PATJ: variants seen among roughly 807,000 people sequenced by gnomAD.
PATJ encodes the protein inaD-like protein.
Under a neutral mutation model 224.9 loss-of-function variants are expected in PATJ, and 190 were observed. The observed-to-expected ratio is 0.84, with a 90% CI of 0.75 to 0.95. PATJ has a LOEUF of 0.95. Ranked by LOEUF, PATJ falls within the 40% of genes least tolerant of loss-of-function variation. PATJ has a pLI of 0.00. For missense variants in PATJ, 2,121 were observed against 2,270.3 expected, an observed-to-expected ratio of 0.93 and a Z score of 1.34; for synonymous variants, 769 against 820.3, an observed-to-expected ratio of 0.94 and a Z score of 1.07.
intron 8 of PATJ, among the ~76,000 whole-genome samples, chr1:61,790,517 T>G (rs1015875060): frequency 2.1e-5 from 3 of 144,406 alleles, no homozygotes; most frequent in African/African-American, 7.6e-5. Flanking sequence ...TTTTTTTTGT[T>G]TTTTTTTTTT....
intron 28 of PATJ, among the ~76,000 whole-genome samples, chr1:62,005,618 C>T (rs778370865): frequency 3.3e-5 from 5 of 151,980 alleles, no homozygotes; most frequent in Admixed American, 6.6e-5. Context: ...ATTAGCCAGG[C>T]GTGGTGGCAC....
chr1:61,812,847 T>TA (rs923162238), intron 14 of PATJ, among the ~76,000 whole-genome samples: 36 of 151,498 alleles, frequency 2.4e-4, no homozygotes, highest in Non-Finnish European at 4.7e-4. Flanking sequence ...AGATTCTGTC[T>TA]AAAAAAAATA....
At chr1:61,897,132 A>C (rs1287701126) in intron 22 of PATJ, among the ~76,000 whole-genome samples, 1 of 152,202 alleles carries the variant, frequency 6.6e-6, no homozygotes, top group African/African-American at 2.4e-5. Context: ...AAAATTATAG[A>C]GGAAATGAAT....
intron 38 of PATJ, among the ~76,000 whole-genome samples, chr1:62,121,838 A>G (rs1338050364): frequency 6.6e-6 from 1 of 152,114 alleles, no homozygotes; most frequent in Non-Finnish European, 1.5e-5. Context: ...AGAAAAGCAG[A>G]AAGCTGGAGT....
intron 33 of PATJ, among the ~76,000 whole-genome samples, chr1:62,106,470 C>A (rs897675371): frequency 5.3e-5 from 8 of 150,508 alleles, no homozygotes; most frequent in Non-Finnish European, 1.0e-4. Context: ...GATGCAATCT[C>A]AAAAAAAATT....
At chr1:61,994,522 A>G (rs572261241) in intron 28 of PATJ, among the ~76,000 whole-genome samples, 11 of 151,698 alleles carry the variant, frequency 7.3e-5, no homozygotes, top group Non-Finnish European at 1.3e-4. Context: ...CATCCTGAAG[A>G]GCTGGGAGAA....
intron 37 of PATJ, among the ~76,000 whole-genome samples, chr1:62,120,284 C>T (rs910804833): frequency 6.6e-6 from 1 of 152,060 alleles, no homozygotes; most frequent in African/African-American, 2.4e-5. Flanking sequence ...ATAATTCTTT[C>T]AGCTTTTCTA....
chr1:62,130,191 C>T (rs1279873100), intron 41 of PATJ, among the ~76,000 whole-genome samples: 1 of 150,856 alleles, frequency 6.6e-6, no homozygotes, highest in Non-Finnish European at 1.5e-5. Flanking sequence ...AAAGTTAGCC[C>T]GGCATGGTGG....
chr1:62,021,433 A>G (rs1647074267), intron 29 of PATJ, among the ~76,000 whole-genome samples: 1 of 152,196 alleles, frequency 6.6e-6, no homozygotes, highest in African/African-American at 2.4e-5. Context: ...CCTTTCCTGC[A>G]TGGTCATTCA....
chr1:61,765,359 G>A (rs1646211844), intron 3 of PATJ, among the ~76,000 whole-genome samples: 1 of 151,300 alleles, frequency 6.6e-6, no homozygotes, highest in Admixed American at 6.6e-5. Context: ...TTACAGGTGT[G>A]AGCCATCACA....
intron 12 of PATJ, among the ~76,000 whole-genome samples, 156 bp downstream of exon 12, chr1:61,801,925 C>CTTTTTTTTTTCTTTTTTTTT (rs1652602388): frequency 7.5e-6 from 1 of 133,540 alleles, no homozygotes; most frequent in Non-Finnish European, 1.6e-5. Context: ...GACAGAGTTT[C>CTTTTTTTTTTCTTTTTTTTT]TTTTTTTTTT....
Position 61,782,348 on chromosome 1 carries a change from T to C in PATJ, c.850-5406T>C, listed in dbSNP as rs543560375. Among the ~76,000 whole-genome samples, 8 of 152,322 alleles carry C rather than the reference T, an allele frequency of 5.3e-5. No homozygotes were observed. In the South Asian group the frequency reaches 1.7e-3, roughly 32 times the overall value. On this transcript the variant is annotated intron_variant, in intron 7 of 43. Coordinates refer to ENST00000642238, the MANE Select transcript of PATJ (RefSeq NM_001350145.3). Reference sequence around the variant, plus strand: ...TGCCTCTTAGTTCCCAAAATGCTTATAACCCACTGGGAGAGAAATGTATTC... The same window carrying C: ...TGCCTCTTAGTTCCCAAAATGCTTACAACCCACTGGGAGAGAAATGTATTC...
intron 41 of PATJ, among the ~76,000 whole-genome samples, chr1:62,140,524 G>A (rs1229386041): frequency 1.3e-5 from 2 of 151,946 alleles, no homozygotes; most frequent in Admixed American, 6.6e-5. Context: ...GTGGTGGCAG[G>A]TGCCTATAAT....
intron 29 of PATJ, among the ~76,000 whole-genome samples, chr1:62,030,295 G>C (rs1253729693): frequency 6.6e-6 from 1 of 152,164 alleles, no homozygotes. Context: ...ACTTCTGTTA[G>C]TGTGCTTTGG....
intron 8 of PATJ, among the ~76,000 whole-genome samples, chr1:61,790,408 T>A (rs769959989): frequency 1.3e-5 from 2 of 152,010 alleles, no homozygotes; most frequent in Non-Finnish European, 2.9e-5. Flanking sequence ...TAAAACAATA[T>A]CCTTTGTTAG....
chr1:61,863,027 G>GTTTTTTTTTTTTTTTTTTTTT (rs35033086), intron 19 of PATJ, among the ~76,000 whole-genome samples: 1 of 79,996 alleles, frequency 1.3e-5, no homozygotes. Flanking sequence ...ACTGTTTTCA[G>GTTTTTTTTTTTTTTTTTTTTT]TTTTTTTTTT....
chr1:61,986,975 G>A (rs114371123), intron 27 of PATJ, among the ~76,000 whole-genome samples: 3,649 of 151,090 alleles, frequency 0.024, 92 homozygotes, highest in African/African-American at 0.056. Flanking sequence ...TTGTTCTCTG[G>A]TAAATTCTTC....
At chr1:62,072,167 G>A (rs1024487574) in intron 31 of PATJ, among the ~76,000 whole-genome samples, 2 of 151,940 alleles carry the variant, frequency 1.3e-5, no homozygotes, top group Admixed American at 1.3e-4. Context: ...CTGCCCTTTC[G>A]CTATGCTTCA....
intron 13 of PATJ, among the ~76,000 whole-genome samples, chr1:61,807,792 C>G (rs1653892844): frequency 6.6e-6 from 1 of 152,214 alleles, no homozygotes; most frequent in African/African-American, 2.4e-5. Context: ...CTTATCCCTT[C>G]CCGCCAGATG....
Sources: allele counts gnomAD v4.1 joint callset (sites outside exome capture counted in the v4.1 genomes callset), GRCh38; gene constraint gnomAD v4.1.1; transcripts MANE v1.5; gene names NCBI Gene and HGNC (gene_info 2026-07-23, HGNC 2026-07-21).